The following TRIM71 variants were observed in gnomAD, a reference collection of about 807,000 sequenced individuals.
TRIM71 encodes E3 ubiquitin-protein ligase TRIM71.
In TRIM71, 9 loss-of-function variants were observed where a neutral mutation model predicts 61.2. The observed-to-expected ratio is 0.15, with a 90% CI of 0.09 to 0.26. The LOEUF (loss-of-function observed/expected upper bound fraction) is 0.26, where lower values mean the gene tolerates loss of function less well. Ranked by LOEUF, TRIM71 falls within the 10% of genes least tolerant of loss-of-function variation. TRIM71 has a pLI of 1.00. For missense variants in TRIM71, 998 were observed against 1,238.7 expected (o/e 0.81, Z 2.92); for synonymous variants, 645 against 553.2 (o/e 1.17, Z -2.33).
chr3:32,885,846 T>G, intron 2 of TRIM71, 88 bp from the exon 3 acceptor site: 1 of 1,507,210 alleles, frequency 6.6e-7, no homozygotes, highest in Non-Finnish European at 8.9e-7. Context: ...TGTCAGCTTT[T>G]CAAGTCTGAC....
At chr3:32,820,024 A>G (rs1349373954) in intron 1 of TRIM71, among the ~76,000 whole-genome samples, 7 of 152,196 alleles carry the variant, frequency 4.6e-5, no homozygotes, top group South Asian at 2.1e-4. Context: ...CCCGAACCCA[A>G]TGAAGGCAGG....
At chr3:32,873,094 T>TCCCTCCCC (rs1696815533) in intron 1 of TRIM71, among the ~76,000 whole-genome samples, 1 of 60,518 alleles carries the variant, frequency 1.7e-5, no homozygotes, top group Non-Finnish European at 3.4e-5. Context: ...CCTCCCTCCC[T>TCCCTCCCC]CCCAGCGTGC....
intron 1 of TRIM71, among the ~76,000 whole-genome samples, chr3:32,858,636 G>T (rs946550937): frequency 6.6e-6 from 1 of 152,128 alleles, no homozygotes; most frequent in Non-Finnish European, 1.5e-5. Flanking sequence ...AGATGCAGTG[G>T]GATGAGTATT....
intron 2 of TRIM71, among the ~76,000 whole-genome samples, chr3:32,884,937 C>T (rs1696944439): frequency 6.6e-6 from 1 of 152,118 alleles, no homozygotes; most frequent in Non-Finnish European, 1.5e-5. Flanking sequence ...GGAGCTTGTC[C>T]AAGGCCTTAC....
chr3:32,829,105 T>C (rs1281570416), intron 1 of TRIM71, among the ~76,000 whole-genome samples: 4 of 152,054 alleles, frequency 2.6e-5, no homozygotes, highest in Non-Finnish European at 5.9e-5. Context: ...GCAATTCTTC[T>C]GCCTCAGCCT....
intron 1 of TRIM71, among the ~76,000 whole-genome samples, chr3:32,827,000 A>G (rs903684564): frequency 6.6e-6 from 1 of 151,342 alleles, no homozygotes; most frequent in Non-Finnish European, 1.5e-5. Flanking sequence ...TCCTGACCTC[A>G]TGATCCACCC....
Position 32,894,281 on chromosome 3 carries a change from C to G in TRIM71, c.*2470C>G, listed in dbSNP as rs1697057213. The G allele has an allele frequency of 3.3e-5, 5 of 152,042 alleles. No individual in the cohort carries two copies. The highest frequency in any genetic ancestry group is 3.3e-4 in the Admixed American group (5 of 15,264). The allele number at this position is 152,042 out of a possible 1,614,324, so 9.4% of individuals were successfully genotyped here. ...TTTTCATCATCATTTTCATTCTGCTCTTTTCTTTCTAATTTCCCCAGATGT... is the reference window on the plus strand; with the variant it reads ...TTTTCATCATCATTTTCATTCTGCTGTTTTCTTTCTAATTTCCCCAGATGT... On this transcript the variant is annotated 3_prime_UTR_variant, in exon 4 of 4. Coordinates refer to ENST00000383763, the MANE Select transcript of TRIM71 (RefSeq NM_001039111.3).
At chr3:32,841,244 C>CA (rs1294321203) in intron 1 of TRIM71, among the ~76,000 whole-genome samples, 2 of 151,680 alleles carry the variant, frequency 1.3e-5, no homozygotes, top group African/African-American at 4.8e-5. Flanking sequence ...GACTCTGTCT[C>CA]AAAAAACAAA....
At chr3:32,839,509 G>A (rs965143833) in intron 1 of TRIM71, among the ~76,000 whole-genome samples, 2 of 152,092 alleles carry the variant, frequency 1.3e-5, no homozygotes, top group African/African-American at 4.8e-5. Flanking sequence ...GGATTACAGC[G>A]TGAGCCACAG....
rs748814316 is a variant in TRIM71 at position 32,890,801 on chromosome 3, G to A, written c.1597G>A (p.Gly533Ser). The stretch of plus-strand genomic sequence containing the variant: ...GTCGGCTGTGGTCCTGGGCCCTGAT[G>A]GCAACCTGTTTGGTGCAGAGGTGAG... ...LMSAVVLGPD[G>S]NLFGAEVSDQ... The change falls in exon 4 of 4, where the codon GGC becomes AGC. Residue 533 changes from glycine (G) to serine (S), a missense_variant. Transcript: ENST00000383763. The surrounding 1 kb of genome is among the most constrained non-coding windows in gnomAD (Gnocchi z 6.2). The A allele has an allele frequency of 6.2e-7, 1 of 1,614,186 alleles. No individual in the cohort carries two copies. The highest frequency in any genetic ancestry group is 8.5e-7 in the Non-Finnish European group (1 of 1,180,036).
At chr3:32,831,777 TCTGCCCTCC>T (rs1696274328) in intron 1 of TRIM71, among the ~76,000 whole-genome samples, 1 of 152,132 alleles carries the variant, frequency 6.6e-6, no homozygotes, top group South Asian at 2.1e-4. Flanking sequence ...CCTCAAGTGA[TCTGCCCTCC>T]TTGGCCTCCC....
intron 1 of TRIM71, among the ~76,000 whole-genome samples, chr3:32,843,826 C>G (rs1009746970): frequency 2.0e-5 from 3 of 152,112 alleles, no homozygotes; most frequent in Non-Finnish European, 4.4e-5. Flanking sequence ...GGTGCAGAGC[C>G]GGCCCAGAAA....
rs766499136 is a variant in TRIM71, at chr3:32,890,469, TGGA to T, written c.1271_1273del (p.Glu424del). On this transcript the variant is annotated inframe_deletion, in exon 4 of 4. Transcript: ENST00000383763. The surrounding 1 kb of genome is among the most constrained non-coding windows in gnomAD (Gnocchi z 6.2). ...ACCATCAGTGCCGTGCAGCAGGTCCTGGAGGAGGGTAGAGCGCTAGACATCCTA... is the reference window on the plus strand; with the variant it reads ...ACCATCAGTGCCGTGCAGCAGGTCCTGGAGGGTAGAGCGCTAGACATCCTA... 6.2e-7 allele frequency: 1 copy of T among 1,614,164 alleles called. No homozygotes were observed. The highest frequency in any genetic ancestry group is 8.5e-7 in the Non-Finnish European group (1 of 1,180,034).
At chr3:32,879,917 C>T (rs747901253) in intron 2 of TRIM71, among the ~76,000 whole-genome samples, 4 of 151,798 alleles carry the variant, frequency 2.6e-5, no homozygotes, top group South Asian at 2.1e-4. Context: ...GCCAAGATTA[C>T]ACCACTGCAC....
chr3:32,833,127 A>T (rs987345381), intron 1 of TRIM71, among the ~76,000 whole-genome samples: 1 of 136,908 alleles, frequency 7.3e-6, no homozygotes, highest in Non-Finnish European at 1.5e-5. Context: ...GCAAGCTGAG[A>T]TTGCACCACT....
chr3:32,890,856 G>C lies in TRIM71; in HGVS notation c.1652G>C (p.Ser551Thr). 1.9e-6 allele frequency: 3 copies of C among 1,614,224 alleles called. No homozygotes were observed. The highest frequency in any genetic ancestry group is 2.5e-6 in the Non-Finnish European group (3 of 1,180,048). ...SDQQNGTYVV[S>T]YRPQLEGEHL... is the part of the protein sequence containing the mutation. The stretch of plus-strand genomic sequence containing the variant: ...CAGCAGAATGGGACATACGTGGTGA[G>C]TTACCGACCCCAGCTGGAGGGTGAG... Residue 551 changes from serine (S) to threonine (T), a missense_variant, in exon 4 of 4, where the codon AGT becomes ACT. Ser to Thr is a moderately conservative substitution (Grantham distance 58, BLOSUM62 1). Coordinates refer to ENST00000383763, the MANE Select transcript of TRIM71 (RefSeq NM_001039111.3). The surrounding 1 kb of genome is among the most constrained non-coding windows in gnomAD (Gnocchi z 6.2).
chr3:32,881,073 C>G (rs570899146), intron 2 of TRIM71, among the ~76,000 whole-genome samples: 3 of 151,964 alleles, frequency 2.0e-5, no homozygotes, highest in African/African-American at 4.8e-5. Flanking sequence ...GGCTGGAGTT[C>G]AGTGCCACGA....
intron 1 of TRIM71, among the ~76,000 whole-genome samples, chr3:32,871,169 C>A (rs1159395782): frequency 1.3e-5 from 2 of 152,100 alleles, no homozygotes; most frequent in African/African-American, 4.8e-5. Context: ...AGTCAGGCCC[C>A]TTTTGTTTCA....
chr3:32,833,184 T>TAAAGAAAAAAAAAAA (rs1696293685), intron 1 of TRIM71, among the ~76,000 whole-genome samples: 1 of 54,428 alleles, frequency 1.8e-5, no homozygotes, highest in Non-Finnish European at 3.3e-5. Flanking sequence ...ACTCTGTCTT[T>TAAAGAAAAAAAAAAA]AAAAAAAAAA....
Sources: allele counts gnomAD v4.1 joint callset (sites outside exome capture counted in the v4.1 genomes callset), GRCh38; gene constraint gnomAD v4.1.1; non-coding constraint Gnocchi (gnomAD v3.1); transcripts MANE v1.5; gene names NCBI Gene and HGNC (gene_info 2026-07-23, HGNC 2026-07-21).